PKP3: variants seen among roughly 807,000 people sequenced by gnomAD.
PKP3 encodes the protein plakophilin-3.
A neutral mutation model predicts 76.5 loss-of-function variants in PKP3; 66 were observed. The observed-to-expected ratio is 0.86, with a 90% CI of 0.71 to 1.06. PKP3 has a LOEUF of 1.06. Among genes scored for constraint, PKP3 ranks in the 50% least tolerant of loss-of-function variants. The pLI, the probability that PKP3 is intolerant of heterozygous loss-of-function variation, is 0.00. For synonymous variants in PKP3, 638 were observed against 516.5 expected (o/e 1.24, Z -3.19); for missense variants, 1,338 against 1,141.0 (o/e 1.17, Z -2.49).
In PKP3 at chr11:397,779, G is replaced by C. The variant is rs181543429; in HGVS notation, c.1068+117G>C. On this transcript the variant is annotated intron_variant, in intron 4 of 12. Coordinates refer to ENST00000331563, the MANE Select transcript of PKP3 (RefSeq NM_007183.4). Reference sequence around the variant, plus strand: ...TCATGATCCCCAAGCTGACTGGGTAGACCCCACTCTGTCTGGAGCCCCCTC... The same window carrying C: ...TCATGATCCCCAAGCTGACTGGGTACACCCCACTCTGTCTGGAGCCCCCTC... The C allele has an allele frequency of 7.3e-4, 746 of 1,026,886 alleles. 4 individuals are homozygous for C. In the African/African-American group the frequency reaches 0.011, roughly 15 times the overall value. 63.6% of individuals were successfully genotyped at this position (1,026,886 alleles called of 1,614,324 possible).
chr11:404,127 G>T lies in PKP3; in HGVS notation c.2262G>T (p.Lys754Asn). 6.2e-7 allele frequency: 1 copy of T among 1,610,094 alleles called. No homozygotes were observed. ...GLRKLIFIKK[K>N]RDSPDSEKSS... Reference sequence around the variant, plus strand: ...GAAAGCTCATCTTCATCAAGAAGAAGCGGGACAGGTAGGGGCCGACCCAGC... The same window carrying T: ...GAAAGCTCATCTTCATCAAGAAGAATCGGGACAGGTAGGGGCCGACCCAGC... The change falls in exon 11 of 13, where the codon AAG becomes AAT. Residue 754 changes from lysine (K) to asparagine (N), a missense_variant. Coordinates refer to ENST00000331563, the MANE Select transcript of PKP3 (RefSeq NM_007183.4). This position sits in a 1 kb window ranked among gnomAD's most constrained non-coding sequence, Gnocchi z 4.2.
chr11:404,478 G>A lies in PKP3; in HGVS notation c.2359-56G>A, dbSNP rs114531683. On this transcript the variant is annotated intron_variant, in intron 12 of 12. Coordinates refer to ENST00000331563, the MANE Select transcript of PKP3 (RefSeq NM_007183.4). The surrounding 1 kb of genome is among the most constrained non-coding windows in gnomAD (Gnocchi z 4.2). ...CAGCACACTGCAGGAGGGACAGCGG[G>A]CAGAGGGCCACATGGGCAGACATGC... 5.9e-4 allele frequency: 939 copies of A among 1,587,056 alleles called. 7 individuals carry two copies. In the African/African-American group the frequency reaches 0.011, roughly 19 times the overall value.
In PKP3 at chr11:399,132, C is replaced by T. The variant is rs778602530; in HGVS notation, c.1209C>T (p.Asn403=). 1.9e-5 allele frequency: 31 copies of T among 1,611,774 alleles called. No homozygotes were observed. The highest frequency in any genetic ancestry group is 1.6e-4 in the Middle Eastern group (1 of 6,078). Residue 403 remains asparagine (N), a synonymous_variant, in exon 5 of 13, where the codon AAC becomes AAT. Coordinates refer to ENST00000331563, the MANE Select transcript of PKP3 (RefSeq NM_007183.4). The stretch of plus-strand genomic sequence containing the variant: ...ACAAGCTGGCCCTGGTGGAGGAGAA[C>T]GGGATCTTCGAGCTGCTGCGGACAC... ...ADNKLALVEE[N]GIFELLRTLR... is the part of the protein sequence containing the mutation.
chr11:395,246 G>GC (rs888507768), intron 1 of PKP3, among the ~76,000 whole-genome samples: 1 of 151,988 alleles, frequency 6.6e-6, no homozygotes, highest in Non-Finnish European at 1.5e-5. Context: ...CCAGGCTACA[G>GC]CAACAGGGAT....
In PKP3 at chr11:400,471, G is replaced by C. The variant is rs756351454; in HGVS notation, c.1566+20G>C. On this transcript the variant is annotated intron_variant, in intron 7 of 12. Transcript: ENST00000331563. ...GACAAGGTGAGGGGCGCGGTGTGGA[G>C]GAGGGGCCGTGCCCCCGGGCCGCCG... 140 of 1,528,090 alleles carry C rather than the reference G, an allele frequency of 9.2e-5. 2 individuals are homozygous for C. The highest frequency in any genetic ancestry group is 5.2e-4 in the South Asian group (43 of 82,572). The allele number at this position is 1,528,090 out of a possible 1,614,324, so 94.7% of individuals were successfully genotyped here.
At position 400,356 on chromosome 11, in the gene PKP3, G is replaced by C; in HGVS notation, c.1471G>C (p.Ala491Pro). 6.5e-7 allele frequency: 1 copy of C among 1,549,692 alleles called. No individual in the cohort carries two copies. The highest frequency in any genetic ancestry group is 8.7e-7 in the Non-Finnish European group (1 of 1,146,608). Reference protein sequence around the residue: ...FLRNLSSASQATRQKMRECHG... With the variant: ...FLRNLSSASQPTRQKMRECHG... ...CAGGAACCTCAGCTCAGCCTCTCAG[G>C]CCACTCGCCAGAAGATGCGGGAGTG... The change falls in exon 7 of 13, where the codon GCC becomes CCC. Residue 491 changes from alanine (A) to proline (P), a missense_variant. Coordinates refer to ENST00000331563, the MANE Select transcript of PKP3 (RefSeq NM_007183.4).
Position 400,098 on chromosome 11 carries a change from G to A in PKP3, c.1405G>A (p.Ala469Thr), listed in dbSNP as rs1465336284. ...AGGPPLIQQNASEAEIFYNAT... is the reference protein window; with the variant it reads ...AGGPPLIQQNTSEAEIFYNAT... ...GGGTCCCCCCCTCATCCAGCAGAACGCCTCGGAGGCAGAGATCTTCTACAA... is the reference window on the plus strand; with the variant it reads ...GGGTCCCCCCCTCATCCAGCAGAACACCTCGGAGGCAGAGATCTTCTACAA... Residue 469 changes from alanine (A) to threonine (T), a missense_variant, in exon 6 of 13, where the codon GCC becomes ACC. Physicochemically the swap from Ala to Thr is moderately conservative, Grantham distance 58. Coordinates refer to ENST00000331563, the MANE Select transcript of PKP3 (RefSeq NM_007183.4). 5 of 1,587,928 alleles carry A rather than the reference G, an allele frequency of 3.1e-6. No individual in the cohort carries two copies. The Admixed American group carries it at 5.5e-5, about 18-fold the overall frequency.
At position 396,850 on chromosome 11, in the gene PKP3, GCCTCCTGGT is replaced by G. The variant is rs779627301; in HGVS notation, c.355_363del (p.Trp119_Ser121del). The G allele has an allele frequency of 6.9e-6, 11 of 1,599,918 alleles. No individual in the cohort carries two copies. In the East Asian group the frequency reaches 2.5e-4, roughly 36 times the overall value. On this transcript the variant is annotated inframe_deletion, in exon 3 of 13. Coordinates refer to ENST00000331563, the MANE Select transcript of PKP3 (RefSeq NM_007183.4). ...CATCGCCAAGCCGGCCTACAGCCCA[GCCTCCTGGT>G]CCTCCCGCTCCGCCGTGGATCTGAG...
chr11:399,758 C>A (rs1590356392), intron 5 of PKP3, among the ~76,000 whole-genome samples: 1 of 151,164 alleles, frequency 6.6e-6, no homozygotes, highest in South Asian at 2.1e-4. Flanking sequence ...GGCCTGCTCA[C>A]CACCCCACCC....
chr11:394,222 C>G lies in PKP3; in HGVS notation c.-71C>G, dbSNP rs553974469. 2.8e-6 allele frequency: 4 copies of G among 1,408,144 alleles called. No homozygotes were observed. Among genetic ancestry groups the G allele is most frequent in the Non-Finnish European group, 3.7e-6 (4 of 1,085,604 alleles). 87.2% of individuals were successfully genotyped at this position (1,408,144 alleles called of 1,614,324 possible). ...GGCGGGGACTTCAGGGAGAGGGCCT[C>G]GAGGGACAGGACGTGAAGATAGTTG... On this transcript the variant is annotated 5_prime_UTR_variant, in exon 1 of 13. Transcript: ENST00000331563.
At position 404,286 on chromosome 11, in the gene PKP3, T is replaced by G; in HGVS notation, c.2321T>G (p.Leu774Arg). The G allele has an allele frequency of 6.2e-7, 1 of 1,612,530 alleles. No homozygotes were observed. Among genetic ancestry groups the G allele is most frequent in the African/African-American group, 1.3e-5 (1 of 75,020 alleles). Residue 774 changes from leucine to arginine, a missense_variant, in exon 12 of 13, where the codon CTG becomes CGG. Leu to Arg is a moderately radical substitution (Grantham distance 102). Transcript: ENST00000331563. This position sits in a 1 kb window ranked among gnomAD's most constrained non-coding sequence, Gnocchi z 4.2. ...SRAASSLLANLWQYNKLHRDF... is the reference protein window; with the variant it reads ...SRAASSLLANRWQYNKLHRDF... Reference sequence around the variant, plus strand: ...GCAGCATCCAGCCTCCTGGCCAACCTGTGGCAGTACAACAAGCTCCACCGT... The same window carrying G: ...GCAGCATCCAGCCTCCTGGCCAACCGGTGGCAGTACAACAAGCTCCACCGT...
chr11:392,762 C>G (rs553838235), upstream of PKP3: 36 of 976,284 alleles, frequency 3.7e-5, 1 homozygote, highest in Middle Eastern at 1.5e-3. Flanking sequence ...GGCCCCAGCC[C>G]GGGCCTCACC....
chr11:396,764 G>T, intron 2 of PKP3, 50 bp from the exon 3 acceptor site: 2 of 1,570,332 alleles, frequency 1.3e-6, no homozygotes, highest in Middle Eastern at 1.7e-4. Context: ...CAGCGGGCCC[G>T]GACACAGGTG....
upstream of PKP3, chr11:392,726 TCCCCACCACCCCGA>T: frequency 8.0e-7 from 1 of 1,255,630 alleles, no homozygotes. Context: ...TCCCACCCCT[TCCCCACCACCCCGA>T]CCCCACCTGG....
At chr11:398,307 C>T (rs868706252) in intron 4 of PKP3, among the ~76,000 whole-genome samples, 3 of 55,018 alleles carry the variant, frequency 5.5e-5, no homozygotes, top group Admixed American at 3.0e-4. Flanking sequence ...CCCCCGCACA[C>T]ACCTGCGTCA....
chr11:399,290 GCCCACCA>G, intron 5 of PKP3, 94 bp downstream of exon 5: 1 of 455,576 alleles, frequency 2.2e-6, no homozygotes, highest in South Asian at 3.0e-5. Context: ...CCCTCCACCT[GCCCACCA>G]TCTGCCCCCC....
At chr11:397,692 C>G (rs757088043) in intron 4 of PKP3, 30 bp downstream of exon 4, 1 of 1,602,420 alleles carries the variant, frequency 6.2e-7, no homozygotes, top group Non-Finnish European at 8.5e-7. Context: ...ACTCGCTGCC[C>G]CCTGGTGACC....
chr11:396,615 CA>C lies in PKP3; in HGVS notation c.241del (p.Arg81GlyfsTer18), dbSNP rs1214107946. On this transcript the variant is annotated frameshift_variant, in exon 2 of 13. Transcript: ENST00000331563. LOFTEE classifies it high-confidence loss of function. ...CACCGTCCCTCTCCACAGGCACATC[CA>C]GGGGGCAGTACCACACCCTGCAGGC... ...PEAETARGTS[R>X]GQYHTLQAGF... 2 of 1,606,304 alleles carry C rather than the reference CA, an allele frequency of 1.2e-6. No homozygotes were observed. Among genetic ancestry groups the C allele is most frequent in the East Asian group, 2.2e-5 (1 of 44,778 alleles).
intron 1 of PKP3, 146 bp downstream of exon 1, chr11:394,670 C>T (rs1028788756): frequency 1.4e-5 from 9 of 655,928 alleles, no homozygotes; most frequent in Middle Eastern, 4.5e-4. Flanking sequence ...GCCCCAGGGG[C>T]GTGGGGAGAA....
Sources: gnomAD v4.1 joint callset for allele counts (sites outside exome capture counted in the v4.1 genomes callset) on GRCh38, gnomAD v4.1.1 for gene constraint, Gnocchi (gnomAD v3.1) non-coding constraint, MANE v1.5 for transcripts, NCBI Gene and HGNC (gene_info 2026-07-23, HGNC 2026-07-21) for gene names.